The following PCDHA5 variants were observed in gnomAD, a reference collection of about 807,000 sequenced individuals.
PCDHA5 encodes the protein protocadherin alpha-5.
A neutral mutation model predicts 61.6 loss-of-function variants in PCDHA5; 43 were observed. That is an observed-to-expected ratio of 0.70 (90% confidence interval 0.55 to 0.90). PCDHA5 has a LOEUF of 0.90. Ranked by LOEUF, PCDHA5 falls within the 40% of genes least tolerant of loss-of-function variation. PCDHA5 has a pLI of 0.00. For synonymous variants in PCDHA5, 627 were observed against 543.9 expected (o/e 1.15, Z -2.13); for missense variants, 1,298 against 1,222.7 (o/e 1.06, Z -0.92).
intron 1 of PCDHA5, among the ~76,000 whole-genome samples, chr5:140,957,220 G>A (rs1356437193): frequency 2.6e-5 from 4 of 152,192 alleles, no homozygotes; most frequent in Non-Finnish European, 5.9e-5. Flanking sequence ...CAAAAATTTG[G>A]CGAAGCATTT....
At chr5:140,867,108 C>A (rs782819699) in intron 1 of PCDHA5, 4 of 152,072 alleles carry the variant, frequency 2.6e-5, no homozygotes, top group Admixed American at 2.6e-4. Flanking sequence ...CCTAAATTAA[C>A]ATATTGTTTT....
chr5:140,965,275 C>T (rs1280046381), intron 1 of PCDHA5, among the ~76,000 whole-genome samples: 7 of 152,158 alleles, frequency 4.6e-5, no homozygotes, highest in Non-Finnish European at 1.0e-4. Context: ...GGCAATGACA[C>T]AGCATGGAAA....
chr5:140,859,882 T>C (rs2046069596), intron 1 of PCDHA5: 1 of 152,016 alleles, frequency 6.6e-6, no homozygotes, highest in Admixed American at 6.6e-5. Context: ...CTCTGATATT[T>C]TGAAAAAAAA....
intron 1 of PCDHA5, chr5:140,883,880 C>G: frequency 1.2e-6 from 2 of 1,613,304 alleles, no homozygotes; most frequent in Non-Finnish European, 1.7e-6. Context: ...GGTGAGCGCG[C>G]GCGACTCTGG....
At position 140,988,717 on chromosome 5, in the gene PCDHA5, T is replaced by C. The variant is rs79402139; in HGVS notation, c.2500+6154T>C. Among the ~76,000 whole-genome samples, 1,208 of 152,334 alleles carry C rather than the reference T, an allele frequency of 7.9e-3. 20 individuals carry two copies. Among genetic ancestry groups the C allele is most frequent in the African/African-American group, 0.027 (1,139 of 41,566 alleles). On this transcript the variant is annotated intron_variant, in intron 3 of 3. Transcript: ENST00000529859. ...CTCTGTATTTTCTTGGACCTCTCATTTGCCCCATAGTAATTATTCTAGGAT... is the reference window on the plus strand; with the variant it reads ...CTCTGTATTTTCTTGGACCTCTCATCTGCCCCATAGTAATTATTCTAGGAT...
intron 1 of PCDHA5, among the ~76,000 whole-genome samples, chr5:140,910,150 T>G (rs555048323): frequency 6.6e-6 from 1 of 152,354 alleles, no homozygotes; most frequent in South Asian, 2.1e-4. Flanking sequence ...GGAAATTGAT[T>G]GAGGGGAAAT....
chr5:140,834,454 G>A, intron 1 of PCDHA5: 1 of 1,614,182 alleles, frequency 6.2e-7, no homozygotes, highest in South Asian at 1.1e-5. Flanking sequence ...CTAGCAGCTT[G>A]GGAGGCAGGG....
intron 1 of PCDHA5, chr5:140,927,642 T>A: frequency 6.2e-7 from 1 of 1,614,156 alleles, no homozygotes; most frequent in Non-Finnish European, 8.5e-7. Flanking sequence ...CCAATGGGAC[T>A]GTGTTATTCC....
chr5:140,907,344 C>T (rs548533041), intron 1 of PCDHA5, among the ~76,000 whole-genome samples: 111 of 152,276 alleles, frequency 7.3e-4, no homozygotes, highest in Non-Finnish European at 1.2e-3. Flanking sequence ...TGCATGAGCC[C>T]GCTGCTGCAC....
At position 140,842,264 on chromosome 5, in the gene PCDHA5, T is replaced by G; in HGVS notation, c.2352+18137T>G. The G allele has an allele frequency of 1.9e-6, 3 of 1,610,762 alleles. No homozygotes were observed. The South Asian group carries it at 3.3e-5, about 18-fold the overall frequency. Reference sequence around the variant, plus strand: ...TAATTTGGATTTTGAACAAGAAAACTTATACAAAATCCTCATTGACGCCAC... The same window carrying G: ...TAATTTGGATTTTGAACAAGAAAACGTATACAAAATCCTCATTGACGCCAC... On this transcript the variant is annotated intron_variant, in intron 1 of 3. Transcript: ENST00000529859.
chr5:140,983,754 A>T (rs2097065978), intron 3 of PCDHA5, among the ~76,000 whole-genome samples: 3 of 152,210 alleles, frequency 2.0e-5, no homozygotes. Flanking sequence ...AATCCATTCA[A>T]ATTCAAATAC....
intron 3 of PCDHA5, among the ~76,000 whole-genome samples, chr5:140,998,010 C>A (rs2097793505): frequency 6.6e-6 from 1 of 152,096 alleles, no homozygotes; most frequent in Admixed American, 6.6e-5. Flanking sequence ...GCCTTCCATC[C>A]CCACCTCGAG....
chr5:140,913,219 C>A (rs2076256091), intron 1 of PCDHA5, among the ~76,000 whole-genome samples: 2 of 152,122 alleles, frequency 1.3e-5, no homozygotes, highest in Non-Finnish European at 2.9e-5. Context: ...GGGTCCCAGG[C>A]TTTACTTTGC....
At chr5:140,852,737 C>A in intron 1 of PCDHA5, 1 of 983,808 alleles carries the variant, frequency 1.0e-6, no homozygotes, top group Non-Finnish European at 1.2e-6. Context: ...GTTTCATGTG[C>A]CATTTAAACT....
chr5:140,974,330 A>G (rs542172748), intron 1 of PCDHA5, among the ~76,000 whole-genome samples: 1 of 152,346 alleles, frequency 6.6e-6, no homozygotes, highest in African/African-American at 2.4e-5. Flanking sequence ...CTGCTGTGCT[A>G]GCAGGCTATG....
intron 1 of PCDHA5, among the ~76,000 whole-genome samples, chr5:140,924,441 G>A (rs144532137): frequency 1.3e-5 from 2 of 152,274 alleles, no homozygotes; most frequent in African/African-American, 4.8e-5. Context: ...AAGAGATAAC[G>A]AATGGGTTTG....
At chr5:140,836,535 T>C (rs2150263194) in intron 1 of PCDHA5, 26 of 1,613,710 alleles carry the variant, frequency 1.6e-5, no homozygotes, top group Non-Finnish European at 2.0e-5. Context: ...CCTGCTGCTG[T>C]ACACGGCGTT....
At chr5:140,972,829 A>T (rs1554234573) in intron 1 of PCDHA5, among the ~76,000 whole-genome samples, 2 of 151,928 alleles carry the variant, frequency 1.3e-5, no homozygotes, top group African/African-American at 4.8e-5. Flanking sequence ...ACGCCTGGCT[A>T]ATTTTTGTAT....
intron 1 of PCDHA5, among the ~76,000 whole-genome samples, chr5:140,954,172 T>C (rs1297030972): frequency 6.6e-6 from 1 of 152,246 alleles, no homozygotes; most frequent in Non-Finnish European, 1.5e-5. Flanking sequence ...ATTTTCTTTA[T>C]CCAGTCTATC....
Sources: allele counts gnomAD v4.1 joint callset (sites outside exome capture counted in the v4.1 genomes callset), GRCh38; gene constraint gnomAD v4.1.1; transcripts MANE v1.5; gene names NCBI Gene and HGNC (gene_info 2026-07-23, HGNC 2026-07-21).